The following VAC14 variants were observed in gnomAD, a reference collection of about 807,000 sequenced individuals.
VAC14 encodes the protein VAC14 component of PIKFYVE complex.
Under a neutral mutation model 85.3 loss-of-function variants are expected in VAC14, and 47 were observed. That is an observed-to-expected ratio of 0.55 (90% CI 0.44 to 0.70). The LOEUF (loss-of-function observed/expected upper bound fraction) is 0.70. VAC14 is among the 30% of genes least tolerant of loss of function. VAC14 has a pLI of 0.00. For synonymous variants in VAC14, 447 were observed against 430.5 expected (o/e 1.04, Z -0.47); for missense variants, 861 against 1,004.3 (o/e 0.86, Z 1.93).
intron 14 of VAC14, among the ~76,000 whole-genome samples, chr16:70,730,547 C>G (rs557177538): frequency 6.6e-6 from 1 of 151,998 alleles, no homozygotes; most frequent in Admixed American, 6.5e-5. Context: ...TTTAATAACC[C>G]CATCACCCCA....
At chr16:70,717,091 G>A (rs1409352116) in intron 14 of VAC14, among the ~76,000 whole-genome samples, 1 of 152,244 alleles carries the variant, frequency 6.6e-6, no homozygotes, top group Admixed American at 6.5e-5. Flanking sequence ...GATGTCCATG[G>A]CCTTGGATTC....
chr16:70,770,183 A>G (rs940783922), intron 10 of VAC14: 4 of 152,138 alleles, frequency 2.6e-5, no homozygotes, highest in African/African-American at 9.7e-5. Flanking sequence ...TCTGGCTCAC[A>G]CCAAATTTCT....
intron 12 of VAC14, among the ~76,000 whole-genome samples, chr16:70,749,783 T>C (rs2031229287): frequency 6.6e-6 from 1 of 152,154 alleles, no homozygotes; most frequent in African/African-American, 2.4e-5. Context: ...TCGCTCCCAG[T>C]TGCTAGCAAA....
At chr16:70,763,095 C>T (rs2032536863) in intron 10 of VAC14, 70 bp from the exon 11 acceptor site, 2 of 1,597,876 alleles carry the variant, frequency 1.3e-6, no homozygotes, top group South Asian at 2.3e-5. Context: ...AGTCATGGCA[C>T]CACCCTGGGC....
At chr16:70,799,781 G>C (rs2034690129) in intron 1 of VAC14, among the ~76,000 whole-genome samples, 1 of 152,176 alleles carries the variant, frequency 6.6e-6, no homozygotes, top group Admixed American at 6.5e-5. Context: ...GAATAGATTA[G>C]AGCAGTCCAA....
intron 1 of VAC14, among the ~76,000 whole-genome samples, chr16:70,795,979 C>T (rs1423212039): frequency 6.6e-6 from 1 of 152,204 alleles, no homozygotes; most frequent in Non-Finnish European, 1.5e-5. Flanking sequence ...TTCTCCCCCA[C>T]ATTAGACTCT....
At chr16:70,783,661 A>T in intron 5 of VAC14, 107 bp from the exon 6 acceptor site, 1 of 1,100,460 alleles carries the variant, frequency 9.1e-7, no homozygotes. Context: ...CTGAGACAGC[A>T]TTTCCCTGCA....
chr16:70,770,009 T>G (rs1190427637), intron 10 of VAC14: 1 of 152,364 alleles, frequency 6.6e-6, no homozygotes, highest in Admixed American at 6.5e-5. Flanking sequence ...AGTCCTCGCA[T>G]GTCTGTCCAG....
intron 9 of VAC14, among the ~76,000 whole-genome samples, chr16:70,774,821 C>T (rs1340080648): frequency 6.8e-6 from 1 of 147,164 alleles, no homozygotes; most frequent in Non-Finnish European, 1.5e-5. Context: ...TTGGCGCTCA[C>T]TGTAACCTCC....
rs373122092 is a variant in VAC14 at position 70,727,528 on chromosome 16, C to A, written c.1661+3967G>T. Among the ~76,000 whole-genome samples the A allele has an allele frequency of 2.3e-4, 35 of 152,214 alleles. No individual in the cohort carries two copies. The South Asian group carries it at 4.6e-3, about 20-fold the overall frequency. ...CTAATTTTTATATTTTTAGTAGAAA[C>A]GGGGTTTCGCTATGTTGGCCAGGCT... On this transcript the variant is annotated intron_variant, in intron 14 of 18. Coordinates refer to ENST00000261776, the MANE Select transcript of VAC14 (RefSeq NM_018052.5).
At chr16:70,726,682 GA>G (rs1290380925) in intron 14 of VAC14, among the ~76,000 whole-genome samples, 3 of 152,174 alleles carry the variant, frequency 2.0e-5, no homozygotes, top group African/African-American at 7.2e-5. Flanking sequence ...AAGTCCCGTG[GA>G]GGGAGTGGGG....
intron 17 of VAC14, 117 bp from the exon 18 acceptor site, chr16:70,693,088 C>G (rs780109008): frequency 7.3e-7 from 1 of 1,365,774 alleles, no homozygotes; most frequent in Non-Finnish European, 9.8e-7. Context: ...ATGGCACCCA[C>G]AGCCCAAGGA....
chr16:70,739,472 G>A (rs1458364206), intron 13 of VAC14, among the ~76,000 whole-genome samples: 1 of 152,246 alleles, frequency 6.6e-6, no homozygotes, highest in Non-Finnish European at 1.5e-5. Flanking sequence ...ATCACTGCCA[G>A]GTTGTGCCCA....
At chr16:70,748,378 C>A (rs930352974) in intron 12 of VAC14, among the ~76,000 whole-genome samples, 2 of 152,182 alleles carry the variant, frequency 1.3e-5, no homozygotes, top group African/African-American at 4.8e-5. Flanking sequence ...ACTGATAATA[C>A]AGGGCGGGTG....
chr16:70,771,796 G>C, intron 10 of VAC14: 2 of 276,208 alleles, frequency 7.2e-6, no homozygotes, highest in Non-Finnish European at 1.4e-5. Context: ...GCCCAGACTG[G>C]TCTTAAACTC....
chr16:70,767,564 T>C (rs2032914446), intron 10 of VAC14, among the ~76,000 whole-genome samples: 1 of 152,200 alleles, frequency 6.6e-6, no homozygotes, highest in Admixed American at 6.5e-5. Flanking sequence ...AGTGGGGACT[T>C]CATACAACAC....
intron 13 of VAC14, among the ~76,000 whole-genome samples, chr16:70,742,980 G>A (rs1441076977): frequency 5.3e-4 from 81 of 151,836 alleles, no homozygotes; most frequent in Admixed American, 5.3e-3. Context: ...TCAGCACTCT[G>A]TAAAAACACT....
At chr16:70,689,148 G>A (rs927894164) in intron 18 of VAC14, 4 of 976,866 alleles carry the variant, frequency 4.1e-6, no homozygotes, top group African/African-American at 3.5e-5. Flanking sequence ...GCTTCCTAGC[G>A]GTGTGACTTG....
chr16:70,691,951 C>T (rs1465244433), intron 18 of VAC14: 1 of 985,166 alleles, frequency 1.0e-6, no homozygotes, highest in Non-Finnish European at 1.2e-6. Context: ...CTCTAACAGC[C>T]TGGGAGGGAA....
Sources: allele counts gnomAD v4.1 joint callset (sites outside exome capture counted in the v4.1 genomes callset), GRCh38; gene constraint gnomAD v4.1.1; transcripts MANE v1.5; gene names NCBI Gene and HGNC (gene_info 2026-07-23, HGNC 2026-07-21).